The following UBE2Z variants were observed in gnomAD, a reference collection of about 807,000 sequenced individuals.
UBE2Z encodes ubiquitin-conjugating enzyme E2 Z.
A neutral mutation model predicts 32.6 loss-of-function variants in UBE2Z; 10 were observed. That is an observed-to-expected ratio of 0.31 (90% CI 0.19 to 0.52). UBE2Z has a LOEUF of 0.52. Ranked by LOEUF, UBE2Z falls within the 20% of genes least tolerant of loss-of-function variation. The pLI is 0.97. For synonymous variants in UBE2Z, 183 were observed against 190.8 expected (o/e 0.96, Z 0.34); for missense variants, 343 against 480.9 (o/e 0.71, Z 2.68).
chr17:48,922,138 C>T (rs2040763510), intron 5 of UBE2Z, among the ~76,000 whole-genome samples: 1 of 152,054 alleles, frequency 6.6e-6, no homozygotes, highest in Non-Finnish European at 1.5e-5. Context: ...ACTGTAATCC[C>T]AGCACTTTGG....
intron 6 of UBE2Z, among the ~76,000 whole-genome samples, chr17:48,924,723 G>A (rs142346521): frequency 2.8e-4 from 43 of 151,130 alleles, no homozygotes; most frequent in African/African-American, 9.9e-4. Flanking sequence ...GCTCATGCCT[G>A]TAATCTCAGC....
At chr17:48,921,048 CTTT>C (rs2040754618) in intron 4 of UBE2Z, 109 bp from the exon 5 acceptor site, 1 of 809,234 alleles carries the variant, frequency 1.2e-6, no homozygotes, top group Non-Finnish European at 2.0e-6. Flanking sequence ...GGAAAGGTAT[CTTT>C]TTAGTTTGTG....
At chr17:48,912,632 A>C in intron 2 of UBE2Z, 1 of 564,530 alleles carries the variant, frequency 1.8e-6, no homozygotes, top group Non-Finnish European at 3.1e-6. Flanking sequence ...ATGTCATTCC[A>C]CTGTAATGAG....
In UBE2Z at chr17:48,920,310, C is replaced by T. The variant is rs548626203; in HGVS notation, c.691-850C>T. ...AGGCGTTCAGGACCAGCCTGGCCAA[C>T]GTGGTGAAACACTGTCTCTACTAAA... On this transcript the variant is annotated intron_variant, in intron 4 of 6. Transcript: ENST00000360943. Among the ~76,000 whole-genome samples, 6 of 152,186 alleles carry T rather than the reference C, an allele frequency of 3.9e-5. No individual in the cohort carries two copies. The East Asian group carries it at 7.7e-4, about 20-fold the overall frequency.
intron 6 of UBE2Z, among the ~76,000 whole-genome samples, 194 bp from the exon 7 acceptor site, chr17:48,926,770 C>T (rs1036889529): frequency 1.3e-5 from 2 of 152,118 alleles, no homozygotes; most frequent in Admixed American, 6.5e-5. Flanking sequence ...TGTGAGCCAC[C>T]GCGCCTGGCC....
rs1180511933 is a variant in UBE2Z, at chr17:48,908,588, G to A, written c.85G>A (p.Gly29Ser). The change falls in exon 1 of 7, where the codon GGC (glycine) becomes AGC (serine). Residue 29 changes from glycine to serine, a missense_variant. Gly to Ser is a moderately conservative substitution (Grantham distance 56). Around this residue, in one of 4 missense-constraint regions of UBE2Z, gnomAD observed 103 missense variants for 96.2 expected, o/e 1.07. Transcript: ENST00000360943. ...GGCGAGCAGCGTTGCTGGTGTTGTT[G>A]GCGTTAGCGGCAGCGGCGGCGGGTT... ...PGASSVAGVV[G>S]VSGSGGGFGP... 3.2e-6 allele frequency: 4 copies of A among 1,240,400 alleles called. No homozygotes were observed. Among genetic ancestry groups the A allele is most frequent in the Non-Finnish European group, 4.0e-6 (4 of 989,100 alleles). The allele number at this position is 1,240,400 out of a possible 1,614,324, so 76.8% of individuals were successfully genotyped here.
chr17:48,915,270 G>C (rs562444039), intron 3 of UBE2Z, among the ~76,000 whole-genome samples: 28 of 152,282 alleles, frequency 1.8e-4, no homozygotes. Flanking sequence ...AGGCATTACT[G>C]ACTTGGGCTT....
chr17:48,910,606 G>A, intron 1 of UBE2Z: 1 of 464,150 alleles, frequency 2.2e-6, no homozygotes, highest in Non-Finnish European at 3.9e-6. Flanking sequence ...ATGCCCTTTT[G>A]ATAATAATTT....
chr17:48,916,200 G>GGGC lies in UBE2Z; in HGVS notation c.690+14_690+16dup, dbSNP rs2040717896. 6.7e-7 allele frequency: 1 copy of GGGC among 1,492,756 alleles called. No homozygotes were observed. Among genetic ancestry groups the GGGC allele is most frequent in the Non-Finnish European group, 9.0e-7 (1 of 1,112,724 alleles). 92.5% of individuals were successfully genotyped at this position (1,492,756 alleles called of 1,614,324 possible). A position where few individuals can be genotyped will look rare whatever the true frequency, so the allele number is the denominator to read the frequency against. The stretch of plus-strand genomic sequence containing the variant: ...CGGCTTTGAACAGGTAAGGCCAGAT[G>GGGC]GGCCTGGCTCTGGGGTGTAGACTAT... On this transcript the variant is annotated intron_variant, in intron 4 of 6. Coordinates refer to ENST00000360943, the MANE Select transcript of UBE2Z (RefSeq NM_023079.5).
At position 48,908,478 on chromosome 17, in the gene UBE2Z, C is replaced by T. The variant is rs774845489; in HGVS notation, c.-26C>T. ...CCGCTCTGGTCGGCGGACGTGCTGC[C>T]GAGTAGTCCCGGAAGCGAAGCAGCG... On this transcript the variant is annotated 5_prime_UTR_variant, in exon 1 of 7. Coordinates refer to ENST00000360943, the MANE Select transcript of UBE2Z (RefSeq NM_023079.5). 3 of 1,230,570 alleles carry T rather than the reference C, an allele frequency of 2.4e-6. No homozygotes were observed. The highest frequency in any genetic ancestry group is 2.0e-6 in the Non-Finnish European group (2 of 986,694). The allele number at this position is 1,230,570 out of a possible 1,614,324, so 76.2% of individuals were successfully genotyped here. A position where few individuals can be genotyped will look rare whatever the true frequency, so the allele number is the denominator to read the frequency against.
Position 48,927,160 on chromosome 17 carries a change from C to T in UBE2Z, c.*26C>T, listed in dbSNP as rs1046088854. ...ACCCTGCTCCCATCTCCCCTTCCCC[C>T]ACTCAAGAGTCCCAGCAGAATCCCT... On this transcript the variant is annotated 3_prime_UTR_variant, in exon 7 of 7. Transcript: ENST00000360943. 6.2e-7 allele frequency: 1 copy of T among 1,611,220 alleles called. No individual in the cohort carries two copies. Among genetic ancestry groups the T allele is most frequent in the African/African-American group, 1.3e-5 (1 of 75,000 alleles).
rs1391119513 is a variant in UBE2Z at position 48,928,436 on chromosome 17, ATTG to A, written c.*1305_*1307del. ...ATGTTCTCCCCGTACTTCCAGATTT[ATTG>A]TTATGGCTCCCAGTGGGTATTGGCG... On this transcript the variant is annotated 3_prime_UTR_variant, in exon 7 of 7. Coordinates refer to ENST00000360943, the MANE Select transcript of UBE2Z (RefSeq NM_023079.5). The A allele has an allele frequency of 6.6e-6, 1 of 152,468 alleles. No individual in the cohort carries two copies. The highest frequency in any genetic ancestry group is 1.5e-5 in the Non-Finnish European group (1 of 68,068). The allele number at this position is 152,468 out of a possible 1,614,324, so 9.4% of individuals were successfully genotyped here. A position where few individuals can be genotyped will look rare whatever the true frequency, so the allele number is the denominator to read the frequency against.
In UBE2Z at chr17:48,927,255, C is replaced by T; in HGVS notation, c.*121C>T. The T allele has an allele frequency of 1.8e-6, 2 of 1,098,488 alleles. No homozygotes were observed. The highest frequency in any genetic ancestry group is 2.6e-6 in the Non-Finnish European group (2 of 771,664). 68.0% of individuals were successfully genotyped at this position (1,098,488 alleles called of 1,614,324 possible). A position where few individuals can be genotyped will look rare whatever the true frequency, so the allele number is the denominator to read the frequency against. The stretch of plus-strand genomic sequence containing the variant: ...GACTCGAAGTCATCCTGCAAGATGG[C>T]AAGAACCAAGCAAGCTCCGATCCCA... On this transcript the variant is annotated 3_prime_UTR_variant, in exon 7 of 7. Transcript: ENST00000360943.
chr17:48,911,590 A>G (rs2040678058), intron 2 of UBE2Z: 1 of 152,200 alleles, frequency 6.6e-6, no homozygotes, highest in African/African-American at 2.4e-5. Flanking sequence ...CTTACAGTAA[A>G]TTTCTTACAG....
chr17:48,922,724 A>T, intron 5 of UBE2Z, 123 bp from the exon 6 acceptor site: 1 of 599,474 alleles, frequency 1.7e-6, no homozygotes, highest in Admixed American at 3.0e-5. Flanking sequence ...CTGAGGTTGC[A>T]CCACTGCACT....
At chr17:48,909,874 ATTAAT>A (rs1190577716) in intron 1 of UBE2Z, among the ~76,000 whole-genome samples, 11 of 152,208 alleles carry the variant, frequency 7.2e-5, no homozygotes, top group Admixed American at 4.6e-4. Flanking sequence ...TGTAATAAAA[ATTAAT>A]ATAATGTGTG....
chr17:48,916,349 G>A (rs1425763286), intron 4 of UBE2Z, among the ~76,000 whole-genome samples, 162 bp downstream of exon 4: 8 of 141,962 alleles, frequency 5.6e-5, no homozygotes, highest in Admixed American at 7.6e-5. Context: ...TCCGCCTCCC[G>A]GGTTCAAGCC....
At chr17:48,919,750 G>A (rs2040746241) in intron 4 of UBE2Z, among the ~76,000 whole-genome samples, 1 of 152,170 alleles carries the variant, frequency 6.6e-6, no homozygotes, top group African/African-American at 2.4e-5. Context: ...AGTGTCGGGA[G>A]TACAGGCATG....
At chr17:48,918,288 C>T (rs1283066298) in intron 4 of UBE2Z, among the ~76,000 whole-genome samples, 2 of 152,018 alleles carry the variant, frequency 1.3e-5, no homozygotes, top group Non-Finnish European at 2.9e-5. Flanking sequence ...TTGATTCTTC[C>T]TCTATAGACC....
Sources: gnomAD v4.1 joint callset for allele counts (sites outside exome capture counted in the v4.1 genomes callset) on GRCh38, gnomAD v4.1.1 for gene constraint, gnomAD v4.1.1 regional missense constraint, MANE v1.5 for transcripts, NCBI Gene and HGNC (gene_info 2026-07-23, HGNC 2026-07-21) for gene names.